DAB1: variants seen among roughly 807,000 people sequenced by gnomAD.
DAB1 encodes the protein disabled homolog 1.
DAB1 carries 15 observed loss-of-function variants against 64.6 expected under a neutral mutation model. That is an observed-to-expected ratio of 0.23 (90% CI 0.16 to 0.36). The LOEUF is 0.36. Among genes scored for constraint, DAB1 ranks in the 10% least tolerant of loss-of-function variants. The pLI is 1.00. For missense variants in DAB1, 596 were observed against 706.7 expected, an observed-to-expected ratio of 0.84 and a Z score of 1.78; for synonymous variants, 235 against 251.9, an observed-to-expected ratio of 0.93 and a Z score of 0.64.
Position 57,198,649 on chromosome 1 carries a change from T to TCACACACACACACA in DAB1, c.68-53234_68-53221dup, listed in dbSNP as rs57872654. On this transcript the variant is annotated intron_variant, in intron 2 of 14. Coordinates refer to ENST00000371236, the MANE Select transcript of DAB1 (RefSeq NM_001365792.1). ...CCTCCCTCCCTGCATCTTCTCTCTC[T>TCACACACACACACA]CACACACACACACACACACACACAC... 7.0e-5 allele frequency among the ~76,000 whole-genome samples: 9 copies of TCACACACACACACA among 128,332 alleles called. No homozygotes were observed. In the East Asian group the frequency reaches 1.3e-3, roughly 19 times the overall value. The allele number at this position is 128,332 out of a possible 152,430, so 84.2% of individuals were successfully genotyped here.
At chr1:57,895,621 G>A (rs12141442) in intron 5 of DAB1, among the ~76,000 whole-genome samples, 37,741 of 151,868 alleles carry the variant, frequency 0.25, 5,377 homozygotes, top group Non-Finnish European at 0.32. Context: ...ATTACTCATT[G>A]AGAGGGAGAC....
chr1:58,461,348 G>A (rs950681525), intron 3 of DAB1, among the ~76,000 whole-genome samples: 1 of 152,110 alleles, frequency 6.6e-6, no homozygotes, highest in African/African-American at 2.4e-5. Context: ...GAAGACTACT[G>A]TCTTAGAGTC....
At chr1:57,767,249 C>T (rs1649354617) in intron 6 of DAB1, among the ~76,000 whole-genome samples, 1 of 152,032 alleles carries the variant, frequency 6.6e-6, no homozygotes, top group Non-Finnish European at 1.5e-5. Flanking sequence ...TCTAGGGGCC[C>T]ACAAGAGTCA....
intron 7 of DAB1, among the ~76,000 whole-genome samples, chr1:57,528,057 T>C (rs1274961953): frequency 6.6e-6 from 1 of 151,756 alleles, no homozygotes; most frequent in Non-Finnish European, 1.5e-5. Flanking sequence ...GACTTAGAGA[T>C]GACAAAAAAA....
chr1:58,244,194 A>T (rs1660428876), intron 4 of DAB1, among the ~76,000 whole-genome samples: 2 of 152,188 alleles, frequency 1.3e-5, no homozygotes, highest in Admixed American at 1.3e-4. Context: ...TAACATATGA[A>T]AAGTGCCCAT....
intron 7 of DAB1, among the ~76,000 whole-genome samples, chr1:57,643,260 C>CA: frequency 6.6e-6 from 1 of 152,278 alleles, no homozygotes; most frequent in African/African-American, 2.4e-5. Flanking sequence ...CTTCTCTTTG[C>CA]ATGGATACCC....
At chr1:57,850,814 G>A (rs1465466609) in intron 1 of DAB1, among the ~76,000 whole-genome samples, 2 of 152,146 alleles carry the variant, frequency 1.3e-5, no homozygotes, top group Non-Finnish European at 1.5e-5. Context: ...TAAAACAGCT[G>A]TGCGTGACTT....
intron 5 of DAB1, among the ~76,000 whole-genome samples, chr1:58,037,621 C>T (rs896656351): frequency 1.3e-5 from 2 of 152,270 alleles, no homozygotes; most frequent in Admixed American, 6.5e-5. Flanking sequence ...ATCCCAAAAC[C>T]ATCCCCACCC....
chr1:58,140,976 G>A (rs1412951630), intron 5 of DAB1, among the ~76,000 whole-genome samples: 6 of 152,164 alleles, frequency 3.9e-5, no homozygotes, highest in African/African-American at 1.4e-4. Flanking sequence ...GTTTTATAAA[G>A]AAAAGAGGTT....
chr1:58,481,298 G>C (rs149501129), intron 3 of DAB1: 4 of 411,962 alleles, frequency 9.7e-6, no homozygotes, highest in Non-Finnish European at 1.7e-5. Context: ...TTAATAAAAG[G>C]TATCTTGATT....
Position 57,430,623 on chromosome 1 carries a change from C to T in DAB1, n.626-139457G>A, listed in dbSNP as rs531970842. Among the ~76,000 whole-genome samples the T allele has an allele frequency of 7.9e-5, 12 of 152,028 alleles. No homozygotes were observed. In the South Asian group the frequency reaches 1.0e-3, roughly 13 times the overall value. ...CGATCTCCTGACCTCGTGATCCGCC[C>T]GCCTAGGCCTCCCAAAGTGCTGGGT... On this transcript the variant is annotated intron_variant and non_coding_transcript_variant, in intron 7 of 20. Transcript: ENST00000485760.
chr1:57,130,736 G>A (rs190748038), intron 4 of DAB1, among the ~76,000 whole-genome samples: 11 of 151,902 alleles, frequency 7.2e-5, no homozygotes, highest in African/African-American at 2.2e-4. Context: ...ATCAGAGGGA[G>A]GGTTGGGTGG....
chr1:57,151,792 C>A lies in DAB1; in HGVS notation c.68-6363G>T, dbSNP rs532985414. The stretch of plus-strand genomic sequence containing the variant: ...TGGTTTCTTAAAAACCTGAAAATTT[C>A]TTTTCTAATGTTTAATTTTTTTTTT... On this transcript the variant is annotated intron_variant, in intron 2 of 14. Transcript: ENST00000371236. Among the ~76,000 whole-genome samples, 16 of 140,310 alleles carry A rather than the reference C, an allele frequency of 1.1e-4. No individual in the cohort carries two copies. In the South Asian group the frequency reaches 3.3e-3, roughly 29 times the overall value. The allele number at this position is 140,310 out of a possible 152,430, so 92.0% of individuals were successfully genotyped here. A position where few individuals can be genotyped will look rare whatever the true frequency, so the allele number is the denominator to read the frequency against.
At chr1:58,237,990 T>A (rs1660123808) in intron 4 of DAB1, among the ~76,000 whole-genome samples, 1 of 152,236 alleles carries the variant, frequency 6.6e-6, no homozygotes, top group South Asian at 2.1e-4. Flanking sequence ...TATGTTTAAC[T>A]TGTCTGAAGC....
At chr1:57,011,752 CA>C (rs1255743371) in intron 12 of DAB1, among the ~76,000 whole-genome samples, 1 of 152,206 alleles carries the variant, frequency 6.6e-6, no homozygotes, top group African/African-American at 2.4e-5. Flanking sequence ...AGAAACTTTA[CA>C]GACAATATCT....
chr1:58,378,438 C>T (rs1269711847), intron 3 of DAB1, among the ~76,000 whole-genome samples: 20 of 29,904 alleles, frequency 6.7e-4, no homozygotes, highest in Admixed American at 1.6e-3. Flanking sequence ...AATACCCTGC[C>T]GTGTGAGGTG....
At chr1:58,044,052 G>T (rs1647187432) in intron 5 of DAB1, among the ~76,000 whole-genome samples, 1 of 152,198 alleles carries the variant, frequency 6.6e-6, no homozygotes, top group Non-Finnish European at 1.5e-5. Flanking sequence ...TAGCATTGTA[G>T]ATGTGTCAAT....
chr1:58,154,313 G>A (rs1481151556), intron 4 of DAB1, among the ~76,000 whole-genome samples: 2 of 152,002 alleles, frequency 1.3e-5, no homozygotes, highest in Non-Finnish European at 2.9e-5. Context: ...CATGGTGTTG[G>A]GTCAGCCACT....
At chr1:57,422,488 G>T (rs1684995643) in intron 1 of DAB1, among the ~76,000 whole-genome samples, 1 of 152,108 alleles carries the variant, frequency 6.6e-6, no homozygotes, top group African/African-American at 2.4e-5. Context: ...ACATCCAAAC[G>T]CACACGCAGA....
Sources: allele counts gnomAD v4.1 joint callset (sites outside exome capture counted in the v4.1 genomes callset), GRCh38; gene constraint gnomAD v4.1.1; transcripts MANE v1.5; gene names NCBI Gene and HGNC (gene_info 2026-07-23, HGNC 2026-07-21).